Variants in FRMD4A observed in about 807,000 individuals in gnomAD.
The protein encoded by FRMD4A is FERM domain-containing protein 4A.
FRMD4A carries 29 observed loss-of-function variants against 129.1 expected under a neutral mutation model. That is an observed-to-expected ratio of 0.22 (90% CI 0.17 to 0.31). The LOEUF is 0.31. Among genes scored for constraint, FRMD4A ranks in the 10% least tolerant of loss-of-function variants. FRMD4A has a pLI of 1.00. For synonymous variants in FRMD4A, 634 were observed against 571.6 expected, an observed-to-expected ratio of 1.11 and a Z score of -1.56; for missense variants, 1,272 against 1,375.8, an observed-to-expected ratio of 0.92 and a Z score of 1.19.
intron 2 of FRMD4A, among the ~76,000 whole-genome samples, chr10:14,277,820 C>T (rs1327486739): frequency 5.9e-5 from 9 of 152,214 alleles, no homozygotes; most frequent in Admixed American, 5.9e-4. Flanking sequence ...CTCAGCAGGG[C>T]CCAGAGAGAG....
At chr10:14,041,907 T>C (rs918562971) in intron 2 of FRMD4A, among the ~76,000 whole-genome samples, 2 of 152,172 alleles carry the variant, frequency 1.3e-5, no homozygotes, top group Admixed American at 6.5e-5. Context: ...GCTATGTTTG[T>C]GGAGGGAGGG....
At chr10:14,148,025 C>T (rs1840161138) in intron 2 of FRMD4A, among the ~76,000 whole-genome samples, 1 of 152,146 alleles carries the variant, frequency 6.6e-6, no homozygotes, top group Non-Finnish European at 1.5e-5. Flanking sequence ...ATTCTTAGAT[C>T]TCTGTCTGGG....
chr10:13,867,702 T>A (rs540846785), intron 2 of FRMD4A, among the ~76,000 whole-genome samples: 14 of 3,802 alleles, frequency 3.7e-3, no homozygotes, highest in Admixed American at 0.018. Context: ...ATATAATATA[T>A]AATAAATAAC....
chr10:13,791,333 C>T (rs533075771), intron 5 of FRMD4A, among the ~76,000 whole-genome samples: 1 of 152,088 alleles, frequency 6.6e-6, no homozygotes, highest in African/African-American at 2.4e-5. Context: ...TCACAATAAC[C>T]ATGAACCAAC....
chr10:14,303,689 C>T (rs559242320), intron 2 of FRMD4A, among the ~76,000 whole-genome samples: 1 of 152,252 alleles, frequency 6.6e-6, no homozygotes, highest in East Asian at 1.9e-4. Context: ...TCTAAGACTT[C>T]AAAGTAAAAG....
At chr10:13,940,675 A>G (rs1046788629) in intron 2 of FRMD4A, among the ~76,000 whole-genome samples, 1 of 152,142 alleles carries the variant, frequency 6.6e-6, no homozygotes, top group Non-Finnish European at 1.5e-5. Context: ...GGATTGAGGA[A>G]TTGAGGCTGA....
intron 2 of FRMD4A, among the ~76,000 whole-genome samples, chr10:14,254,012 C>T (rs1486408851): frequency 6.6e-6 from 1 of 152,214 alleles, no homozygotes; most frequent in Non-Finnish European, 1.5e-5. Flanking sequence ...TCTCATGACT[C>T]TCCCTACGCT....
chr10:13,715,839 G>A (rs571320412), intron 12 of FRMD4A, among the ~76,000 whole-genome samples: 30 of 150,750 alleles, frequency 2.0e-4, no homozygotes, highest in African/African-American at 6.4e-4. Context: ...TCGGGAGGCG[G>A]AGGTTGCAGT....
chr10:13,697,365 G>A (rs2086326130), intron 14 of FRMD4A, among the ~76,000 whole-genome samples: 1 of 152,128 alleles, frequency 6.6e-6, no homozygotes, highest in Admixed American at 6.5e-5. Context: ...CCAGGCTGGT[G>A]TCAAACCCCT....
intron 2 of FRMD4A, among the ~76,000 whole-genome samples, chr10:14,073,191 C>T (rs551368739): frequency 3.9e-5 from 6 of 152,222 alleles, no homozygotes; most frequent in East Asian, 3.9e-4. Context: ...ATATGCCCTC[C>T]CTGGGGCTCT....
intron 12 of FRMD4A, among the ~76,000 whole-genome samples, chr10:13,717,985 A>T (rs926393189): frequency 2.0e-5 from 3 of 152,244 alleles, no homozygotes; most frequent in Non-Finnish European, 4.4e-5. Flanking sequence ...GCGAGGCAAA[A>T]AAAGAAAAAA....
intron 2 of FRMD4A, among the ~76,000 whole-genome samples, chr10:13,903,107 C>T (rs1446305791): frequency 1.3e-5 from 2 of 152,114 alleles, no homozygotes; most frequent in East Asian, 3.9e-4. Context: ...GCTTGGAAGG[C>T]CCTCCTCCAG....
At chr10:13,728,814 C>T (rs896074495) in intron 12 of FRMD4A, among the ~76,000 whole-genome samples, 7 of 152,048 alleles carry the variant, frequency 4.6e-5, no homozygotes, top group East Asian at 3.9e-4. Context: ...TCAAGTGATC[C>T]GCCCGTCTCA....
At chr10:13,884,154 T>TCACACACACACACACA (rs1564970810) in intron 2 of FRMD4A, among the ~76,000 whole-genome samples, 1 of 111,158 alleles carries the variant, frequency 9.0e-6, no homozygotes, top group African/African-American at 3.6e-5. Context: ...TCTCACACAC[T>TCACACACACACACACA]CTCACACACA....
rs1839018912 is a variant in FRMD4A, at chr10:14,128,080, CTTTCTTTCTTT to C, written c.45+201967_45+201977del. Among the ~76,000 whole-genome samples, 3 of 102,260 alleles carry C rather than the reference CTTTCTTTCTTT, an allele frequency of 2.9e-5. 1 individual carries two copies. Among genetic ancestry groups the C allele is most frequent in the African/African-American group, 1.2e-4 (3 of 24,538 alleles). 67.1% of individuals were successfully genotyped at this position (102,260 alleles called of 152,430 possible). On this transcript the variant is annotated intron_variant, in intron 2 of 24. Coordinates refer to ENST00000357447, the MANE Select transcript of FRMD4A (RefSeq NM_018027.5). ...TCTTTCTTTCTTTCTTTCTTTCTTT[CTTTCTTTCTTT>C]CTTTCTTTCTTTCTTTTCTTTTCTT...
Position 13,695,498 on chromosome 10 carries a change from T to C in FRMD4A, c.976-1459A>G, listed in dbSNP as rs757494267. Among the ~76,000 whole-genome samples the C allele has an allele frequency of 9.9e-5, 15 of 152,144 alleles. No homozygotes were observed. The East Asian group carries it at 2.5e-3, about 25-fold the overall frequency. ...GTTTCTACCTTCGGTAGTGACAATG[T>C]GTTTGTTTGCATTTCCCACACGTGT... On this transcript the variant is annotated intron_variant, in intron 14 of 24. Transcript: ENST00000357447.
At chr10:13,891,523 G>T (rs2094696285) in intron 2 of FRMD4A, 1 of 821,810 alleles carries the variant, frequency 1.2e-6, no homozygotes, top group Non-Finnish European at 1.5e-6. Context: ...AAGAAGCAGC[G>T]GCGCGTCCCT....
In FRMD4A at chr10:13,644,695, T is replaced by C. The variant is rs1037409170; in HGVS notation, c.*2343A>G. ...AACCTCATCAGCTACCTTTTCCCTT[T>C]TGACTTTTCCTGTTGCACACAGTTC... On this transcript the variant is annotated 3_prime_UTR_variant, in exon 25 of 25. Transcript: ENST00000357447. 2.6e-5 allele frequency: 4 copies of C among 152,256 alleles called. No homozygotes were observed. The highest frequency in any genetic ancestry group is 5.9e-5 in the Non-Finnish European group (4 of 68,054). The allele number at this position is 152,256 out of a possible 1,614,324, so 9.4% of individuals were successfully genotyped here.
chr10:13,772,309 C>T (rs1468524700), intron 6 of FRMD4A, among the ~76,000 whole-genome samples: 1 of 151,186 alleles, frequency 6.6e-6, no homozygotes, highest in Non-Finnish European at 1.5e-5. Context: ...CTGATGTAAT[C>T]TTAGAGACCA....
Sources: gnomAD v4.1 joint callset for allele counts (sites outside exome capture counted in the v4.1 genomes callset) on GRCh38, gnomAD v4.1.1 for gene constraint, MANE v1.5 for transcripts, NCBI Gene and HGNC (gene_info 2026-07-23, HGNC 2026-07-21) for gene names.